ZNF578: variants seen among roughly 807,000 people sequenced by gnomAD.
The protein encoded by ZNF578 is zinc finger protein 578.
In ZNF578, 8 loss-of-function variants were observed where a neutral mutation model predicts 8.3. The observed-to-expected ratio is 0.96, with a 90% CI of 0.56 to 1.74. ZNF578 has a LOEUF of 1.74. Ranked by LOEUF, ZNF578 falls within the 40% of genes most tolerant of loss-of-function variation. The pLI is 0.00. For synonymous variants in ZNF578, 206 were observed against 232.2 expected (o/e 0.89, Z 1.03); for missense variants, 726 against 707.5 (o/e 1.03, Z -0.30).
At chr19:52,481,043 C>T (rs764083653) in intron 2 of ZNF578, among the ~76,000 whole-genome samples, 3 of 152,020 alleles carry the variant, frequency 2.0e-5, no homozygotes, top group African/African-American at 7.2e-5. Flanking sequence ...AATAAAGGCA[C>T]CGTGGTGCCT....
chr19:52,458,976 G>T (rs1189215915), intron 2 of ZNF578: 1 of 152,028 alleles, frequency 6.6e-6, no homozygotes. Flanking sequence ...AAATTGTGAT[G>T]GTTCTCCTTT....
At chr19:52,492,151 C>A (rs537842514) in intron 3 of ZNF578, among the ~76,000 whole-genome samples, 8 of 97,466 alleles carry the variant, frequency 8.2e-5, no homozygotes, top group Non-Finnish European at 1.3e-4. Context: ...GAGAGAGATT[C>A]TGTCTCAAAA....
At position 52,513,493 on chromosome 19, in the gene ZNF578, G is replaced by A. The variant is rs10401665; in HGVS notation, c.*1339G>A. Among the ~76,000 whole-genome samples the A allele has an allele frequency of 0.11, 17,139 of 151,756 alleles. 1,026 individuals are homozygous for A. The highest frequency in any genetic ancestry group is 0.17 in the African/African-American group (6,877 of 41,386). On this transcript the variant is annotated 3_prime_UTR_variant, in exon 6 of 6. Transcript: ENST00000421239. ...CGCCGGTAATCCCAGCACTTTGGGA[G>A]GCCAAGGCAGGCAGATAACAAAGTC...
chr19:52,489,864 G>T (rs530680066), intron 2 of ZNF578, among the ~76,000 whole-genome samples: 1 of 152,134 alleles, frequency 6.6e-6, no homozygotes, highest in Admixed American at 6.5e-5. Context: ...CACCTTGGTA[G>T]CCAGGATGAT....
rs536466335 is a variant in ZNF578, at chr19:52,463,878, C to G, written c.-122+6920C>G. Among the ~76,000 whole-genome samples, 48 of 152,226 alleles carry G rather than the reference C, an allele frequency of 3.2e-4. No individual in the cohort carries two copies. The South Asian group carries it at 9.3e-3, about 30-fold the overall frequency. On this transcript the variant is annotated intron_variant, in intron 2 of 5. Transcript: ENST00000421239. ...TCACAGCTTCTTCCAAAGGGGCATC[C>G]TGAGTAATTTTTGGAAGAATCCATG...
At chr19:52,499,809 C>G (rs1378082489) in intron 3 of ZNF578, among the ~76,000 whole-genome samples, 1 of 151,912 alleles carries the variant, frequency 6.6e-6, no homozygotes, top group Non-Finnish European at 1.5e-5. Context: ...CCTCAGACTC[C>G]CGAGTAGCTG....
At chr19:52,493,333 G>A (rs2059373309) in intron 3 of ZNF578, among the ~76,000 whole-genome samples, 1 of 152,130 alleles carries the variant, frequency 6.6e-6, no homozygotes, top group Non-Finnish European at 1.5e-5. Flanking sequence ...GCCGGGCCCT[G>A]CTGCTCCCGT....
At chr19:52,492,379 C>T (rs529851895) in intron 3 of ZNF578, among the ~76,000 whole-genome samples, 1 of 152,228 alleles carries the variant, frequency 6.6e-6, no homozygotes, top group East Asian at 1.9e-4. Context: ...TCTCCCTTTC[C>T]TGAGCACTCA....
rs17836185 is a variant in ZNF578 at position 52,468,375 on chromosome 19, A to G, written c.-122+11417A>G. On this transcript the variant is annotated intron_variant, in intron 2 of 5. Coordinates refer to ENST00000421239, the MANE Select transcript of ZNF578 (RefSeq NM_001099694.2). ...GCAATTTTACTAAACAGTATTTCAC[A>G]AGCATTTTCAACAGTCATATTGTGC... is the stretch of plus-strand genomic sequence containing the variant. Among the ~76,000 whole-genome samples, 1,448 of 152,336 alleles carry G rather than the reference A, an allele frequency of 9.5e-3. 44 individuals are homozygous for G. In the East Asian group the frequency reaches 0.097, roughly 10 times the overall value.
chr19:52,510,810 T>A lies in ZNF578; in HGVS notation c.429T>A (p.Asp143Glu). ...KELMGSTDRHDQRHAGNKPIK... is the reference protein window; with the variant it reads ...KELMGSTDRHEQRHAGNKPIK... Reference sequence around the variant, plus strand: ...TGATGGGTAGCACAGACCGACATGATCAAAGGCATGCTGGAAACAAGCCTA... The same window carrying A: ...TGATGGGTAGCACAGACCGACATGAACAAAGGCATGCTGGAAACAAGCCTA... Residue 143 changes from aspartate to glutamate, a missense_variant, in exon 6 of 6, where the codon GAT (aspartate) becomes GAA (glutamate). Physicochemically the swap from Asp to Glu is conservative, Grantham distance 45. Coordinates refer to ENST00000421239, the MANE Select transcript of ZNF578 (RefSeq NM_001099694.2). The A allele has an allele frequency of 6.2e-7, 1 of 1,614,124 alleles. No homozygotes were observed. The highest frequency in any genetic ancestry group is 8.5e-7 in the Non-Finnish European group (1 of 1,180,016).
intron 1 of ZNF578, chr19:52,454,033 C>T (rs914494554): frequency 3.9e-5 from 6 of 152,292 alleles, no homozygotes; most frequent in African/African-American, 1.4e-4. Context: ...CCTAATCCAC[C>T]CCCAACCTTG....
chr19:52,492,225 G>A (rs1440517873), intron 3 of ZNF578, among the ~76,000 whole-genome samples: 1 of 150,228 alleles, frequency 6.7e-6, no homozygotes, highest in Non-Finnish European at 1.5e-5. Context: ...CCCTGTGAGA[G>A]GGGGTGTTAC....
In ZNF578 at chr19:52,501,812, T is replaced by TG. The variant is rs141342887; in HGVS notation, c.-19-15_-19-14insG. On this transcript the variant is annotated splice_polypyrimidine_tract_variant and intron_variant, in intron 3 of 5. Coordinates refer to ENST00000421239, the MANE Select transcript of ZNF578 (RefSeq NM_001099694.2). Reference sequence around the variant, plus strand: ...TCATATCTAACCTGAAGTCTTATTTTTCTTCCACATACAGGATTGATTTCT... The same window carrying TG: ...TCATATCTAACCTGAAGTCTTATTTTGTCTTCCACATACAGGATTGATTTCT... The TG allele has an allele frequency of 4.1e-3, 6,532 of 1,610,212 alleles. 219 individuals are homozygous for TG. In the African/African-American group the frequency reaches 0.076, roughly 19 times the overall value.
rs1599922599 is a variant in ZNF578, at chr19:52,513,624, G to A, written c.*1470G>A. On this transcript the variant is annotated 3_prime_UTR_variant, in exon 6 of 6. Transcript: ENST00000421239. ...GGGCACCTGTAGTCTCAGCTACTCAGGGGGCTGAGGCTGGACAATGGTGTG... is the reference window on the plus strand; with the variant it reads ...GGGCACCTGTAGTCTCAGCTACTCAAGGGGCTGAGGCTGGACAATGGTGTG... 6.6e-6 allele frequency among the ~76,000 whole-genome samples: 1 copy of A among 151,894 alleles called. No homozygotes were observed. The highest frequency in any genetic ancestry group is 2.1e-4 in the South Asian group (1 of 4,814).
chr19:52,509,693 G>A (rs1293042227), intron 5 of ZNF578, among the ~76,000 whole-genome samples: 1 of 151,948 alleles, frequency 6.6e-6, no homozygotes, highest in Non-Finnish European at 1.5e-5. Context: ...CTTCAACCCA[G>A]CAGGCAGAGG....
At chr19:52,489,671 C>T (rs538469584) in intron 2 of ZNF578, among the ~76,000 whole-genome samples, 6 of 147,042 alleles carry the variant, frequency 4.1e-5, no homozygotes, top group Admixed American at 1.4e-4. Flanking sequence ...AGAAATTCTT[C>T]TTTTTTTTTT....
chr19:52,474,983 C>A, intron 2 of ZNF578: 1 of 204,032 alleles, frequency 4.9e-6, no homozygotes, highest in South Asian at 9.0e-5. Context: ...TGTAAGGTTT[C>A]TCTCCAGTAT....
chr19:52,495,998 C>G (rs1166200355), intron 3 of ZNF578, among the ~76,000 whole-genome samples: 2 of 151,838 alleles, frequency 1.3e-5, no homozygotes, highest in Non-Finnish European at 2.9e-5. Context: ...CTAGTTCCTC[C>G]TCATTTAATT....
At chr19:52,485,295 C>T (rs1395582336) in intron 2 of ZNF578, among the ~76,000 whole-genome samples, 1 of 152,206 alleles carries the variant, frequency 6.6e-6, no homozygotes, top group South Asian at 2.1e-4. Context: ...GTGCTGGGCT[C>T]GCCCCCTCTG....
Sources: allele counts gnomAD v4.1 joint callset (sites outside exome capture counted in the v4.1 genomes callset), GRCh38; gene constraint gnomAD v4.1.1; transcripts MANE v1.5; gene names NCBI Gene and HGNC (gene_info 2026-07-23, HGNC 2026-07-21).